The following DNM3 variants were observed in gnomAD, a reference collection of about 807,000 sequenced individuals.
The protein encoded by DNM3 is dynamin-3.
In DNM3, 47 loss-of-function variants were observed where a neutral mutation model predicts 101.6. The observed-to-expected ratio is 0.46, with a 90% CI of 0.37 to 0.59. The LOEUF (loss-of-function observed/expected upper bound fraction) is 0.59, where lower values mean the gene tolerates loss of function less well. Among genes scored for constraint, DNM3 ranks in the 20% least tolerant of loss-of-function variants. DNM3 has a pLI of 0.00. For missense variants in DNM3, 849 were observed against 1,085.7 expected (o/e 0.78, Z 3.06); for synonymous variants, 385 against 387.9 (o/e 0.99, Z 0.09).
At chr1:172,028,576 A>G (rs183974053) in intron 4 of DNM3, among the ~76,000 whole-genome samples, 26 of 152,296 alleles carry the variant, frequency 1.7e-4, no homozygotes, top group African/African-American at 6.3e-4. Context: ...TAAGAGCAGA[A>G]CTGAAGGAGA....
At chr1:171,908,890 T>C (rs2039051790) in intron 1 of DNM3, among the ~76,000 whole-genome samples, 2 of 152,188 alleles carry the variant, frequency 1.3e-5, no homozygotes, top group African/African-American at 4.8e-5. Flanking sequence ...CCATATTAAA[T>C]GTGGCCTGTC....
At chr1:172,008,164 T>C (rs2046824457) in intron 4 of DNM3, among the ~76,000 whole-genome samples, 1 of 151,984 alleles carries the variant, frequency 6.6e-6, no homozygotes, top group Admixed American at 6.6e-5. Context: ...GTTGTCTCTT[T>C]CTCTGTTGTT....
chr1:172,296,855 C>T (rs1335850520), intron 15 of DNM3, among the ~76,000 whole-genome samples: 10 of 152,170 alleles, frequency 6.6e-5, no homozygotes. Flanking sequence ...TTAAACATAG[C>T]ATCTTGGCCG....
chr1:171,957,806 AT>A (rs2042961370), intron 2 of DNM3, among the ~76,000 whole-genome samples: 1 of 152,136 alleles, frequency 6.6e-6, no homozygotes, highest in African/African-American at 2.4e-5. Context: ...CATTGTCTGC[AT>A]TTTGGTCAAA....
At chr1:172,196,596 A>T (rs540160017) in intron 14 of DNM3, among the ~76,000 whole-genome samples, 2 of 152,168 alleles carry the variant, frequency 1.3e-5, no homozygotes, top group South Asian at 4.1e-4. Context: ...AATAATAGCC[A>T]TGCTGACTGG....
intron 14 of DNM3, among the ~76,000 whole-genome samples, chr1:172,211,035 G>A (rs1367686743): frequency 6.6e-6 from 1 of 152,210 alleles, no homozygotes; most frequent in East Asian, 1.9e-4. Context: ...GGGCAGTTGA[G>A]TAAACGGAAA....
chr1:171,968,809 A>C (rs1362921304), intron 2 of DNM3, among the ~76,000 whole-genome samples: 5 of 152,126 alleles, frequency 3.3e-5, no homozygotes, highest in African/African-American at 1.2e-4. Flanking sequence ...ACTAAATTTA[A>C]ATATTGTTTT....
intron 4 of DNM3, among the ~76,000 whole-genome samples, chr1:171,998,075 A>C (rs2046116520): frequency 6.6e-6 from 1 of 152,148 alleles, no homozygotes; most frequent in Non-Finnish European, 1.5e-5. Flanking sequence ...GATCACTGTC[A>C]AGCAGCTGGT....
At chr1:172,191,193 A>G (rs2059709241) in intron 14 of DNM3, among the ~76,000 whole-genome samples, 1 of 152,124 alleles carries the variant, frequency 6.6e-6, no homozygotes, top group Non-Finnish European at 1.5e-5. Flanking sequence ...TGATTTTTGT[A>G]TAAGGTGTAA....
intron 4 of DNM3, among the ~76,000 whole-genome samples, chr1:172,006,290 AC>A (rs1231716117): frequency 6.6e-6 from 1 of 152,024 alleles, no homozygotes; most frequent in East Asian, 1.9e-4. Context: ...CCTGTGTTCA[AC>A]TTGTGAAAGT....
At chr1:172,019,910 T>A (rs2047716187) in intron 4 of DNM3, among the ~76,000 whole-genome samples, 1 of 151,626 alleles carries the variant, frequency 6.6e-6, no homozygotes. Flanking sequence ...AGGATGTTAA[T>A]CACAGTTTGT....
chr1:172,374,633 G>A (rs1390491948), intron 17 of DNM3, among the ~76,000 whole-genome samples: 1 of 152,072 alleles, frequency 6.6e-6, no homozygotes, highest in Non-Finnish European at 1.5e-5. Flanking sequence ...ATAATGTAAA[G>A]AAAAGGTAAA....
intron 13 of DNM3, among the ~76,000 whole-genome samples, chr1:172,106,472 G>A (rs1278894437): frequency 1.3e-5 from 2 of 152,052 alleles, no homozygotes; most frequent in Admixed American, 6.6e-5. Flanking sequence ...GGAGGAGGGA[G>A]AGGATACCTA....
intron 15 of DNM3, among the ~76,000 whole-genome samples, chr1:172,279,522 C>A (rs1017999887): frequency 6.6e-6 from 1 of 151,874 alleles, no homozygotes; most frequent in Non-Finnish European, 1.5e-5. Context: ...TGCTGTTGAC[C>A]CTAAAGGTAC....
intron 17 of DNM3, among the ~76,000 whole-genome samples, chr1:172,365,861 G>C (rs1429042235): frequency 6.6e-6 from 1 of 151,892 alleles, no homozygotes; most frequent in Non-Finnish European, 1.5e-5. Flanking sequence ...AAAGATACAG[G>C]ATTTGTCTTA....
chr1:172,013,717 T>A (rs1201062078), intron 4 of DNM3, among the ~76,000 whole-genome samples: 1 of 151,580 alleles, frequency 6.6e-6, no homozygotes, highest in Non-Finnish European at 1.5e-5. Flanking sequence ...AAGAGAAGGG[T>A]ATTTGGAGCT....
chr1:171,842,170 C>A (rs1198974455), intron 1 of DNM3, among the ~76,000 whole-genome samples: 1 of 152,168 alleles, frequency 6.6e-6, no homozygotes, highest in Non-Finnish European at 1.5e-5. Context: ...GGGCAGCCTC[C>A]CTGCGTAGCG....
intron 17 of DNM3, among the ~76,000 whole-genome samples, chr1:172,338,370 T>C (rs2066540091): frequency 6.6e-6 from 1 of 152,186 alleles, no homozygotes; most frequent in Non-Finnish European, 1.5e-5. Flanking sequence ...TTTAAACCCA[T>C]AGCCTTTGAT....
intron 4 of DNM3, among the ~76,000 whole-genome samples, chr1:172,030,010 T>G (rs1267637039): frequency 6.6e-6 from 1 of 152,080 alleles, no homozygotes; most frequent in Non-Finnish European, 1.5e-5. Context: ...CAGTGCTACC[T>G]CTATCAAGCT....
Sources: allele counts gnomAD v4.1 joint callset (sites outside exome capture counted in the v4.1 genomes callset), GRCh38; gene constraint gnomAD v4.1.1; transcripts MANE v1.5; gene names NCBI Gene and HGNC (gene_info 2026-07-23, HGNC 2026-07-21).